SMG1: variants seen among roughly 807,000 people sequenced by gnomAD.
SMG1 encodes the protein SMG1 nonsense mediated mRNA decay associated PI3K related kinase.
Under a neutral mutation model 419.9 loss-of-function variants are expected in SMG1, and 22 were observed. The observed-to-expected ratio is 0.05, with a 90% confidence interval of 0.04 to 0.07. The LOEUF is 0.07. SMG1 is among the 10% of genes least tolerant of loss of function. The pLI is 1.00. For missense variants in SMG1, 3,185 were observed against 4,342.0 expected (o/e 0.73, Z 7.49); for synonymous variants, 1,538 against 1,553.5 (o/e 0.99, Z 0.23).
intron 38 of SMG1, among the ~76,000 whole-genome samples, chr16:18,845,865 G>C (rs36084849): frequency 0.095 from 14,408 of 152,034 alleles, 737 homozygotes; most frequent in Middle Eastern, 0.17. Flanking sequence ...CACCAGACTG[G>C]AGTGGAGTGG....
intron 1 of SMG1, among the ~76,000 whole-genome samples, chr16:18,921,802 C>T (rs1015312901): frequency 1.3e-5 from 2 of 152,202 alleles, no homozygotes; most frequent in Admixed American, 6.5e-5. Flanking sequence ...TCTAATTTCA[C>T]AACACATTTC....
At chr16:18,895,411 G>A (rs561057329) in intron 3 of SMG1, among the ~76,000 whole-genome samples, 5 of 151,960 alleles carry the variant, frequency 3.3e-5, no homozygotes, top group Middle Eastern at 3.4e-3. Context: ...CCTGGGAGGC[G>A]GAGGTTGCAG....
intron 57 of SMG1, 73 bp from the exon 58 acceptor site, chr16:18,816,602 CAAA>C: frequency 8.0e-7 from 1 of 1,253,226 alleles, no homozygotes; most frequent in Non-Finnish European, 1.1e-6. Flanking sequence ...TTAACATCAT[CAAA>C]AGATATTAGT....
chr16:18,882,579 AC>A (rs2036446401), intron 9 of SMG1, among the ~76,000 whole-genome samples: 1 of 152,198 alleles, frequency 6.6e-6, no homozygotes, highest in African/African-American at 2.4e-5. Context: ...TCTTAAATCA[AC>A]TCAGAAAGCT....
Position 18,834,235 on chromosome 16 carries a change from T to C in SMG1, c.8534A>G (p.His2845Arg). 6.2e-7 allele frequency: 1 copy of C among 1,604,334 alleles called. No individual in the cohort carries two copies. Among genetic ancestry groups the C allele is most frequent in the Non-Finnish European group, 8.5e-7 (1 of 1,175,072 alleles). The change falls in exon 50 of 63, where the codon CAC becomes CGC. Residue 2845 changes from histidine (H) to arginine (R), a missense_variant. Physicochemically the swap from His to Arg is conservative, Grantham distance 29. Transcript: ENST00000446231. ...TGAGGTATACACTCCATTGGCTAAG[T>C]GAACTGTCTCAGACGCTTCCATGGG... The part of the protein sequence containing the change: ...PNPMEASETV[H>R]LANGVYTSLQ...
Position 18,916,124 on chromosome 16 carries a change from A to C in SMG1, c.92+9826T>G, listed in dbSNP as rs565164871. ...AAAAAAAAACCACCACCACTTATACATACATAAATTTTATCTCAAAGAAGC... is the reference window on the plus strand; with the variant it reads ...AAAAAAAAACCACCACCACTTATACCTACATAAATTTTATCTCAAAGAAGC... On this transcript the variant is annotated intron_variant, in intron 1 of 62. Transcript: ENST00000446231. Among the ~76,000 whole-genome samples the C allele has an allele frequency of 3.1e-4, 47 of 150,444 alleles. 1 individual carries two copies. Among genetic ancestry groups the C allele is most frequent in the Non-Finnish European group, 3.0e-5 (2 of 67,630 alleles).
chr16:18,902,550 A>G (rs576961302), intron 1 of SMG1, among the ~76,000 whole-genome samples: 1 of 152,052 alleles, frequency 6.6e-6, no homozygotes, highest in South Asian at 2.1e-4. Context: ...ATATAGAAAA[A>G]CTAGCCAGGC....
rs1350812961 is a variant in SMG1, at chr16:18,847,624, C to T, written c.5842-17G>A. 7 of 1,613,818 alleles carry T rather than the reference C, an allele frequency of 4.3e-6. No homozygotes were observed. Among genetic ancestry groups the T allele is most frequent in the South Asian group, 1.1e-5 (1 of 91,078 alleles). On this transcript the variant is annotated splice_polypyrimidine_tract_variant and intron_variant, in intron 37 of 62. Transcript: ENST00000446231. ...CATCTGAACCTGCATACACAGCACA[C>T]CCAAATAGCTCATCTACAAGCCTAT...
chr16:18,859,822 T>G, intron 26 of SMG1, 119 bp from the exon 27 acceptor site: 1 of 646,012 alleles, frequency 1.5e-6, no homozygotes, highest in Non-Finnish European at 2.7e-6. Context: ...TTTAAGGCAG[T>G]TAAACACTAT....
chr16:18,860,448 G>GT (rs1295090175), intron 26 of SMG1, among the ~76,000 whole-genome samples: 1 of 151,894 alleles, frequency 6.6e-6, no homozygotes, highest in Non-Finnish European at 1.5e-5. Flanking sequence ...AAATCTCAAA[G>GT]TATTAAGGTG....
chr16:18,814,296 T>C (rs2031776153), intron 60 of SMG1, among the ~76,000 whole-genome samples: 1 of 151,420 alleles, frequency 6.6e-6, no homozygotes, highest in Non-Finnish European at 1.5e-5. Context: ...CTACAAATTC[T>C]TCATTTGTAT....
In SMG1 at chr16:18,842,302, C is replaced by T; in HGVS notation, c.6372G>A (p.Val2124=). ...SARDTVTIHS[V]GGTITILPTK... ...TCGGTAAGATTGTGATGGTTCCGCCCACACTATGGATTGTGACAGTGTCTC... is the reference window on the plus strand; with the variant it reads ...TCGGTAAGATTGTGATGGTTCCGCCTACACTATGGATTGTGACAGTGTCTC... The change falls in exon 40 of 63, where the codon GTG becomes GTA. Residue 2124 remains valine, a synonymous_variant. Transcript: ENST00000446231. 1.2e-6 allele frequency: 2 copies of T among 1,613,990 alleles called. No homozygotes were observed.
chr16:18,851,668 G>A (rs1460443349), intron 33 of SMG1, among the ~76,000 whole-genome samples: 4 of 151,974 alleles, frequency 2.6e-5, no homozygotes, highest in Admixed American at 1.3e-4. Flanking sequence ...TCAGCCTCCC[G>A]AGTAGCTGGC....
Position 18,876,244 on chromosome 16 carries a change from A to C in SMG1, c.1770T>G (p.Ser590=). Reference sequence around the variant, plus strand: ...TCTTAAAAGCCTCATGTTTTATTTCAGAACAGGCCTCAGGAAGTTGTAGAC... The same window carrying C: ...TCTTAAAAGCCTCATGTTTTATTTCCGAACAGGCCTCAGGAAGTTGTAGAC... ...LHSLQLPEAC[S]EIKHEAFKNH... The change falls in exon 13 of 63, where the codon TCT becomes TCG. Residue 590 remains serine, a synonymous_variant. Transcript: ENST00000446231. The C allele has an allele frequency of 4.3e-6, 7 of 1,611,798 alleles. No individual in the cohort carries two copies. The highest frequency in any genetic ancestry group is 5.9e-6 in the Non-Finnish European group (7 of 1,179,686).
At chr16:18,898,319 G>C (rs541077112) in intron 1 of SMG1, among the ~76,000 whole-genome samples, 6 of 152,176 alleles carry the variant, frequency 3.9e-5, no homozygotes, top group African/African-American at 1.2e-4. Context: ...AATGACTAAG[G>C]CTCCATAAGG....
intron 18 of SMG1, 115 bp from the exon 19 acceptor site, chr16:18,870,109 G>A: frequency 1.6e-6 from 1 of 640,476 alleles, no homozygotes; most frequent in Admixed American, 3.0e-5. Context: ...TAGTAAAATT[G>A]AGACTTTCAA....
chr16:18,917,167 T>A (rs1005519407), intron 1 of SMG1, among the ~76,000 whole-genome samples: 7 of 151,954 alleles, frequency 4.6e-5, no homozygotes, highest in Non-Finnish European at 7.4e-5. Flanking sequence ...TTATTTATTT[T>A]TTGAGACAGA....
rs367938083 is a variant in SMG1, at chr16:18,836,054, T to C, written c.7936A>G (p.Thr2646Ala). ...GCLEQLHHYA[T>A]VALQYPKAIF... Reference sequence around the variant, plus strand: ...GCCTTCGGATACTGCAGGGCCACGGTTGCATAGTGATGCAGTTGCTCCAGA... The same window carrying C: ...GCCTTCGGATACTGCAGGGCCACGGCTGCATAGTGATGCAGTTGCTCCAGA... Residue 2646 changes from threonine to alanine, a missense_variant, in exon 48 of 63, where the codon ACC (threonine) becomes GCC (alanine). Coordinates refer to ENST00000446231, the MANE Select transcript of SMG1 (RefSeq NM_015092.5). The C allele has an allele frequency of 4.4e-6, 7 of 1,601,330 alleles. No homozygotes were observed. Among genetic ancestry groups the C allele is most frequent in the African/African-American group, 2.7e-5 (2 of 74,708 alleles).
intron 6 of SMG1, among the ~76,000 whole-genome samples, chr16:18,887,672 TAAAAAA>T (rs368196825): frequency 1.5e-4 from 10 of 65,712 alleles, no homozygotes; most frequent in African/African-American, 2.9e-4. Context: ...ACTTTTTATT[TAAAAAA>T]AAAAAAAAAA....
Sources: allele counts gnomAD v4.1 joint callset (sites outside exome capture counted in the v4.1 genomes callset), GRCh38; gene constraint gnomAD v4.1.1; transcripts MANE v1.5; gene names NCBI Gene and HGNC (gene_info 2026-07-23, HGNC 2026-07-21).